NRG1: variants seen among roughly 807,000 people sequenced by gnomAD.
The protein encoded by NRG1 is neuregulin 1, also known as pro-neuregulin-1, membrane-bound isoform.
A neutral mutation model predicts 63.8 loss-of-function variants in NRG1; 18 were observed. That is an observed-to-expected ratio of 0.28 (90% CI 0.19 to 0.42). The LOEUF is 0.42. Ranked by LOEUF, NRG1 falls within the 10% of genes least tolerant of loss-of-function variation. NRG1 has a pLI of 1.00. For missense variants in NRG1, 762 were observed against 814.7 expected (o/e 0.94, Z 0.79); for synonymous variants, 302 against 301.3 (o/e 1.00, Z -0.02).
At chr8:31,929,231 TA>T (rs1288523007) in intron 1 of NRG1, among the ~76,000 whole-genome samples, 1 of 152,194 alleles carries the variant, frequency 6.6e-6, no homozygotes, top group Non-Finnish European at 1.5e-5. Context: ...TTTTTAAGGT[TA>T]AAACATGTTA....
At chr8:31,955,164 T>C (rs1804155194) in intron 1 of NRG1, among the ~76,000 whole-genome samples, 1 of 152,174 alleles carries the variant, frequency 6.6e-6, no homozygotes, top group Non-Finnish European at 1.5e-5. Flanking sequence ...TTATTAAAAG[T>C]AATGGCAAAA....
At chr8:32,471,803 A>G (rs1215474913) in intron 1 of NRG1, among the ~76,000 whole-genome samples, 1 of 152,236 alleles carries the variant, frequency 6.6e-6, no homozygotes, top group African/African-American at 2.4e-5. Flanking sequence ...AAACAAGCTG[A>G]TTTAAGTTAC....
chr8:32,045,093 T>A (rs372048910), intron 1 of NRG1, among the ~76,000 whole-genome samples: 11 of 151,696 alleles, frequency 7.3e-5, no homozygotes, highest in African/African-American at 2.7e-4. Context: ...GGAACAAAGA[T>A]AAAACACACA....
intron 1 of NRG1, among the ~76,000 whole-genome samples, chr8:31,840,520 G>T (rs1826099526): frequency 6.6e-6 from 1 of 151,894 alleles, no homozygotes; most frequent in Non-Finnish European, 1.5e-5. Flanking sequence ...GAATAAGTAG[G>T]CTACCTTGTA....
At chr8:31,829,312 T>C (rs1393948947) in intron 1 of NRG1, among the ~76,000 whole-genome samples, 1 of 152,246 alleles carries the variant, frequency 6.6e-6, no homozygotes, top group African/African-American at 2.4e-5. Flanking sequence ...TTTTTGCTTT[T>C]CATTTCCCCT....
At chr8:32,444,652 AT>A (rs1820008224) in intron 1 of NRG1, among the ~76,000 whole-genome samples, 1 of 152,210 alleles carries the variant, frequency 6.6e-6, no homozygotes, top group African/African-American at 2.4e-5. Flanking sequence ...AATCCCAGAC[AT>A]TTTAATTATA....
intron 1 of NRG1, among the ~76,000 whole-genome samples, chr8:31,950,509 T>C (rs989421232): frequency 1.2e-4 from 19 of 152,214 alleles, no homozygotes; most frequent in Admixed American, 1.2e-3. Flanking sequence ...GAGCACCAGA[T>C]AGTTTGAGCA....
intron 1 of NRG1, among the ~76,000 whole-genome samples, chr8:31,659,619 G>A (rs1196891207): frequency 6.6e-6 from 1 of 152,058 alleles, no homozygotes; most frequent in Admixed American, 6.5e-5. Flanking sequence ...GAACTTTCCA[G>A]CACACCCAGG....
intron 1 of NRG1, among the ~76,000 whole-genome samples, chr8:32,522,983 A>G (rs1307040346): frequency 2.0e-5 from 3 of 152,042 alleles, no homozygotes; most frequent in Non-Finnish European, 4.4e-5. Flanking sequence ...TGAATTTTTC[A>G]TAGATATGGA....
At chr8:32,723,310 G>A (rs17669682) in intron 5 of NRG1, among the ~76,000 whole-genome samples, 28,453 of 152,002 alleles carry the variant, frequency 0.19, 2,865 homozygotes, top group Non-Finnish European at 0.22. Flanking sequence ...TCTAGGGAGA[G>A]TTGGTCATGG....
intron 1 of NRG1, chr8:32,063,578 G>A (rs1004298732): frequency 2.0e-5 from 3 of 152,024 alleles, no homozygotes; most frequent in Non-Finnish European, 2.9e-5. Context: ...ATACATCTGT[G>A]CTATAAGCAC....
intron 7 of NRG1, chr8:32,748,531 A>G (rs1828023679): frequency 4.9e-6 from 1 of 203,324 alleles, no homozygotes; most frequent in African/African-American, 2.4e-5. Flanking sequence ...CCACTTCCTC[A>G]ATGGAGCCTC....
intron 1 of NRG1, among the ~76,000 whole-genome samples, chr8:31,655,980 G>GTCGACATATCCACATGGAAATA (rs1805400706): frequency 6.6e-6 from 1 of 152,212 alleles, no homozygotes; most frequent in South Asian, 2.1e-4. Context: ...TTAGTGTATT[G>GTCGACATATCCACATGGAAATA]TCGACATATC....
chr8:32,468,772 C>A (rs1823402509), intron 1 of NRG1, among the ~76,000 whole-genome samples: 1 of 150,356 alleles, frequency 6.7e-6, no homozygotes, highest in Admixed American at 6.6e-5. Context: ...CATTAAAAGC[C>A]TGGGAGAGGG....
At chr8:31,819,415 T>C (rs906027628) in intron 1 of NRG1, among the ~76,000 whole-genome samples, 1 of 152,242 alleles carries the variant, frequency 6.6e-6, no homozygotes, top group African/African-American at 2.4e-5. Context: ...ATACATCTAA[T>C]GTTGGATATG....
chr8:32,089,770 C>T (rs894697704), intron 1 of NRG1, among the ~76,000 whole-genome samples: 4 of 152,036 alleles, frequency 2.6e-5, no homozygotes, highest in Non-Finnish European at 5.9e-5. Flanking sequence ...GAGCCTATTA[C>T]TTTTGGTGAG....
chr8:32,691,476 A>C (rs1366238131), intron 5 of NRG1, among the ~76,000 whole-genome samples: 7 of 152,182 alleles, frequency 4.6e-5, no homozygotes, highest in African/African-American at 1.7e-4. Flanking sequence ...TTTTTCCAGG[A>C]CCACATTTCT....
intron 1 of NRG1, among the ~76,000 whole-genome samples, chr8:31,793,903 A>G (rs902889733): frequency 6.6e-6 from 1 of 151,246 alleles, no homozygotes; most frequent in Non-Finnish European, 1.5e-5. Flanking sequence ...CCATCTCTCC[A>G]TTCTTTCTTC....
At chr8:32,377,002 A>G (rs1287289943) in intron 1 of NRG1, among the ~76,000 whole-genome samples, 1 of 152,242 alleles carries the variant, frequency 6.6e-6, no homozygotes, top group Admixed American at 6.5e-5. Flanking sequence ...GATGTAATGG[A>G]CAATGCCCTC....
Sources: gnomAD v4.1 joint callset for allele counts (sites outside exome capture counted in the v4.1 genomes callset) on GRCh38, gnomAD v4.1.1 for gene constraint, MANE v1.5 for transcripts, NCBI Gene and HGNC (gene_info 2026-07-23, HGNC 2026-07-21) for gene names.